FOXP1: variants seen among roughly 807,000 people sequenced by gnomAD.
The protein encoded by FOXP1 is forkhead box protein P1.
A neutral mutation model predicts 98.2 loss-of-function variants in FOXP1; 15 were observed. That is an observed-to-expected ratio of 0.15 (90% CI 0.10 to 0.24). The LOEUF (loss-of-function observed/expected upper bound fraction) is 0.24, where lower values mean the gene tolerates loss of function less well. Among genes scored for constraint, FOXP1 ranks in the 10% least tolerant of loss-of-function variants. The pLI is 1.00. For missense variants in FOXP1, 633 were observed against 848.5 expected, an observed-to-expected ratio of 0.75 and a Z score of 3.15; for synonymous variants, 371 against 314.5, an observed-to-expected ratio of 1.18 and a Z score of -1.90.
At chr3:71,359,989 C>T (rs2078443626) in intron 3 of FOXP1, among the ~76,000 whole-genome samples, 1 of 152,046 alleles carries the variant, frequency 6.6e-6, no homozygotes, top group Non-Finnish European at 1.5e-5. Context: ...GACAAGGTTT[C>T]ACCATGTTGG....
In FOXP1 at chr3:71,176,537, T is replaced by G. The variant is rs541076615; in HGVS notation, c.180+21665A>C. 3.3e-5 allele frequency among the ~76,000 whole-genome samples: 5 copies of G among 152,126 alleles called. No individual in the cohort carries two copies. In the South Asian group the frequency reaches 1.0e-3, roughly 32 times the overall value. ...TATTGCCTATAGCATGCTGCAAACGTCACCACCAGAGGCACTGCCGAATTT... is the reference window on the plus strand; with the variant it reads ...TATTGCCTATAGCATGCTGCAAACGGCACCACCAGAGGCACTGCCGAATTT... On this transcript the variant is annotated intron_variant, in intron 6 of 20. Coordinates refer to ENST00000649528, the MANE Select transcript of FOXP1 (RefSeq NM_001349338.3).
Position 70,959,294 on chromosome 3 carries a change from G to T in FOXP1, c.1987C>A (p.His663Asn). 1 of 1,613,486 alleles carries T rather than the reference G, an allele frequency of 6.2e-7. No homozygotes were observed. The highest frequency in any genetic ancestry group is 2.2e-5 in the East Asian group (1 of 44,834). The change falls in exon 21 of 21, where the codon CAT (histidine) becomes AAT (asparagine). Residue 663 changes from histidine to asparagine, a missense_variant. Around this residue, in one of 6 missense-constraint regions of FOXP1, gnomAD observed 150 missense variants for 163.7 expected, o/e 0.92. Transcript: ENST00000649528. ...TTANHSPDFD[H>N]DRDYEDEPVN... Reference sequence around the variant, plus strand: ...GGTTCATCTTCGTAATCTCTGTCATGGTCAAAATCTGGACTGTGGTTGGCT... The same window carrying T: ...GGTTCATCTTCGTAATCTCTGTCATTGTCAAAATCTGGACTGTGGTTGGCT...
chr3:71,426,926 T>G (rs1402488198), intron 3 of FOXP1, among the ~76,000 whole-genome samples: 1 of 152,026 alleles, frequency 6.6e-6, no homozygotes, highest in Non-Finnish European at 1.5e-5. Context: ...CCGGGCATGG[T>G]GGTACATGCC....
chr3:71,259,018 G>A (rs568427890), intron 5 of FOXP1, among the ~76,000 whole-genome samples: 1 of 152,294 alleles, frequency 6.6e-6, no homozygotes, highest in Admixed American at 6.5e-5. Flanking sequence ...GGTGGCATGC[G>A]CCTGTAGTCC....
intron 2 of FOXP1, among the ~76,000 whole-genome samples, chr3:71,542,545 G>A (rs191656279): frequency 1.3e-5 from 2 of 152,332 alleles, no homozygotes; most frequent in African/African-American, 4.8e-5. Flanking sequence ...TGATTTCCCT[G>A]CCTCTTCCTT....
Position 71,397,011 on chromosome 3 carries a change from TATATATATATATAC to T in FOXP1, c.-167-37781_-167-37768del, listed in dbSNP as rs1456630181. On this transcript the variant is annotated intron_variant, in intron 3 of 20. Transcript: ENST00000649528. ...ATATATATACACATATATATGTGTA[TATATATATATATAC>T]ATATATATGTGTATATATATATACA... Among the ~76,000 whole-genome samples the T allele has an allele frequency of 3.7e-4, 8 of 21,556 alleles. 3 individuals carry two copies. Among genetic ancestry groups the T allele is most frequent in the African/African-American group, 1.4e-3 (8 of 5,852 alleles). The allele number at this position is 21,556 out of a possible 152,430, so 14.1% of individuals were successfully genotyped here. A position where few individuals can be genotyped will look rare whatever the true frequency, so the allele number is the denominator to read the frequency against.
At chr3:71,261,157 A>T (rs1453768715) in intron 5 of FOXP1, among the ~76,000 whole-genome samples, 1 of 152,198 alleles carries the variant, frequency 6.6e-6, no homozygotes, top group African/African-American at 2.4e-5. Flanking sequence ...TATACCTTTT[A>T]AAGTAATACA....
rs373809702 is a variant in FOXP1, at chr3:70,965,978, C to T, written c.1801G>A (p.Ala601Thr). 116 of 1,614,066 alleles carry T rather than the reference C, an allele frequency of 7.2e-5. No individual in the cohort carries two copies. Among genetic ancestry groups the T allele is most frequent in the Middle Eastern group, 1.6e-4 (1 of 6,062 alleles). The change falls in exon 20 of 21, where the codon GCA becomes ACA. Residue 601 changes from alanine to threonine, a missense_variant. Around this residue, in one of 6 missense-constraint regions of FOXP1, gnomAD observed 150 missense variants for 163.7 expected, o/e 0.92. Coordinates refer to ENST00000649528, the MANE Select transcript of FOXP1 (RefSeq NM_001349338.3). The part of the protein sequence containing the change: ...GNPTLGNLAS[A>T]IREELNGAME... ...GCCCCGTTCAGCTCTTCCCGTATTG[C>T]GCTGGCTAAGTTGCCCAGAGTGGGA...
intron 3 of FOXP1, among the ~76,000 whole-genome samples, chr3:71,411,970 A>G (rs2082785385): frequency 6.6e-6 from 1 of 152,248 alleles, no homozygotes; most frequent in African/African-American, 2.4e-5. Flanking sequence ...ACTAAAAGTA[A>G]AGCCTAAAAG....
chr3:70,973,107 C>T (rs945282952), intron 17 of FOXP1, among the ~76,000 whole-genome samples: 4 of 152,142 alleles, frequency 2.6e-5, no homozygotes, highest in African/African-American at 9.7e-5. Context: ...CTGCTAAATA[C>T]AGTTTTGTTC....
chr3:71,244,505 A>AAC (rs894318389), intron 5 of FOXP1, among the ~76,000 whole-genome samples: 7 of 150,626 alleles, frequency 4.6e-5, no homozygotes, highest in African/African-American at 1.7e-4. Flanking sequence ...GAAAAAGGGA[A>AAC]AAAAAAAAAA....
chr3:71,314,722 G>T (rs1184931895), intron 4 of FOXP1, among the ~76,000 whole-genome samples: 1 of 151,958 alleles, frequency 6.6e-6, no homozygotes, highest in Non-Finnish European at 1.5e-5. Context: ...CTCAGTGGAG[G>T]CAAGTCATTA....
chr3:71,008,089 T>C (rs2043032675), intron 12 of FOXP1, among the ~76,000 whole-genome samples: 1 of 152,190 alleles, frequency 6.6e-6, no homozygotes, highest in Non-Finnish European at 1.5e-5. Flanking sequence ...GTAGACGTTA[T>C]ACAAGTGGTC....
intron 13 of FOXP1, among the ~76,000 whole-genome samples, chr3:70,995,939 A>G (rs1214247071): frequency 2.6e-5 from 4 of 152,180 alleles, no homozygotes; most frequent in East Asian, 1.9e-4. Context: ...TGTAATTGGT[A>G]TTTCTATTGA....
At chr3:71,569,693 G>T (rs577330288) in intron 2 of FOXP1, among the ~76,000 whole-genome samples, 3 of 151,820 alleles carry the variant, frequency 2.0e-5, no homozygotes, top group Non-Finnish European at 2.9e-5. Context: ...GCCAACGTAG[G>T]TATCTACATT....
intron 12 of FOXP1, among the ~76,000 whole-genome samples, chr3:71,012,903 G>C (rs1408306442): frequency 4.6e-5 from 7 of 152,026 alleles, no homozygotes; most frequent in Non-Finnish European, 1.0e-4. Flanking sequence ...CTATGTTATA[G>C]GTATACATGT....
At chr3:71,009,916 ATTT>A (rs200610453) in intron 12 of FOXP1, among the ~76,000 whole-genome samples, 3 of 133,012 alleles carry the variant, frequency 2.3e-5, no homozygotes, top group Admixed American at 7.6e-5. Flanking sequence ...ACCCAGCTGA[ATTT>A]TTTTTTTTTT....
intron 10 of FOXP1, 67 bp downstream of exon 10, chr3:71,046,875 A>G (rs1328607829): frequency 1.9e-6 from 3 of 1,558,886 alleles, no homozygotes; most frequent in Non-Finnish European, 2.7e-6. Context: ...AAATATACCA[A>G]GAGACAACCC....
intron 5 of FOXP1, among the ~76,000 whole-genome samples, chr3:71,238,041 G>A (rs1219422553): frequency 6.6e-6 from 1 of 152,112 alleles, no homozygotes; most frequent in Admixed American, 6.5e-5. Context: ...AAAATATAAG[G>A]TAACTACGAA....
Sources: gnomAD v4.1 joint callset for allele counts (sites outside exome capture counted in the v4.1 genomes callset) on GRCh38, gnomAD v4.1.1 for gene constraint, gnomAD v4.1.1 regional missense constraint, MANE v1.5 for transcripts, NCBI Gene and HGNC (gene_info 2026-07-23, HGNC 2026-07-21) for gene names.